Variants in GHR observed in about 807,000 individuals in gnomAD.
GHR encodes the protein growth hormone receptor.
GHR carries 35 observed loss-of-function variants against 67.1 expected under a neutral mutation model. The observed-to-expected ratio is 0.52, with a 90% CI of 0.40 to 0.69. The LOEUF is 0.69. GHR is among the 30% of genes least tolerant of loss of function. GHR has a pLI of 0.00. For synonymous variants in GHR, 272 were observed against 269.1 expected (o/e 1.01, Z -0.10); for missense variants, 792 against 764.6 (o/e 1.04, Z -0.42).
intron 4 of GHR, among the ~76,000 whole-genome samples, chr5:42,693,291 G>A (rs1757508032): frequency 6.6e-6 from 1 of 151,870 alleles, no homozygotes; most frequent in African/African-American, 2.4e-5. Flanking sequence ...ACAGAAGCAT[G>A]CCATCATGCC....
chr5:42,482,036 T>G (rs1225397187), intron 1 of GHR, among the ~76,000 whole-genome samples: 1 of 152,174 alleles, frequency 6.6e-6, no homozygotes, highest in African/African-American at 2.4e-5. Flanking sequence ...TCTTTGATGA[T>G]GGTGACGTAC....
At chr5:42,470,316 C>CAT (rs10668881) in intron 1 of GHR, among the ~76,000 whole-genome samples, 1 of 150,270 alleles carries the variant, frequency 6.7e-6, no homozygotes, top group African/African-American at 2.4e-5. Context: ...CACACACACA[C>CAT]GCACATATAT....
At chr5:42,425,914 G>A (rs1742833450) in intron 1 of GHR, among the ~76,000 whole-genome samples, 1 of 152,170 alleles carries the variant, frequency 6.6e-6, no homozygotes, top group South Asian at 2.1e-4. Context: ...GGTGTGAAAT[G>A]AAAGTCTATA....
intron 1 of GHR, among the ~76,000 whole-genome samples, chr5:42,482,293 T>TG (rs1175120837): frequency 6.6e-6 from 1 of 152,198 alleles, no homozygotes; most frequent in Non-Finnish European, 1.5e-5. Flanking sequence ...CCACCCCTGC[T>TG]GGGGGGTGCC....
intron 1 of GHR, among the ~76,000 whole-genome samples, chr5:42,529,920 G>A (rs769287334): frequency 1.3e-5 from 2 of 149,480 alleles, no homozygotes; most frequent in Non-Finnish European, 1.5e-5. Context: ...TGTAGAATTA[G>A]CACTAAAGAG....
intron 1 of GHR, among the ~76,000 whole-genome samples, chr5:42,437,402 G>A (rs929418602): frequency 6.6e-6 from 1 of 152,160 alleles, no homozygotes; most frequent in Non-Finnish European, 1.5e-5. Context: ...TGGATGTCCA[G>A]AGGACAGAGC....
At chr5:42,661,207 C>T (rs536413245) in intron 3 of GHR, among the ~76,000 whole-genome samples, 1 of 152,290 alleles carries the variant, frequency 6.6e-6, no homozygotes, top group South Asian at 2.1e-4. Flanking sequence ...AGAACTTCCC[C>T]AATCTAGCAA....
At chr5:42,644,825 T>A (rs1365922473) in intron 3 of GHR, among the ~76,000 whole-genome samples, 1 of 152,194 alleles carries the variant, frequency 6.6e-6, no homozygotes, top group Non-Finnish European at 1.5e-5. Flanking sequence ...TTTCTATTTT[T>A]ATGTTTATTT....
chr5:42,651,696 G>A (rs1033100364), intron 3 of GHR, among the ~76,000 whole-genome samples: 1 of 152,046 alleles, frequency 6.6e-6, no homozygotes, highest in African/African-American at 2.4e-5. Flanking sequence ...ATGGATGGTG[G>A]TTTTTTAATT....
chr5:42,477,789 T>C (rs1414039570), intron 1 of GHR, among the ~76,000 whole-genome samples: 1 of 152,234 alleles, frequency 6.6e-6, no homozygotes, highest in Non-Finnish European at 1.5e-5. Context: ...ATTAGCCCTT[T>C]GTCAGATGAG....
intron 1 of GHR, among the ~76,000 whole-genome samples, chr5:42,499,465 ATG>A (rs1425363536): frequency 6.6e-6 from 1 of 152,134 alleles, no homozygotes; most frequent in East Asian, 1.9e-4. Flanking sequence ...GTGAACACTC[ATG>A]TGTACAGTTT....
At chr5:42,618,743 A>G (rs1358290436) in intron 2 of GHR, among the ~76,000 whole-genome samples, 1 of 152,094 alleles carries the variant, frequency 6.6e-6, no homozygotes, top group East Asian at 1.9e-4. Context: ...TTTTTTTGAA[A>G]TATTATTTCT....
At chr5:42,468,641 T>C in intron 1 of GHR, 1 of 1,073,598 alleles carries the variant, frequency 9.3e-7, no homozygotes, top group Non-Finnish European at 1.4e-6. Context: ...CTTGCTGTCT[T>C]TCTGGGACTC....
At chr5:42,566,551 C>T (rs943904092) in intron 2 of GHR, among the ~76,000 whole-genome samples, 6 of 152,054 alleles carry the variant, frequency 3.9e-5, no homozygotes, top group Non-Finnish European at 1.5e-5. Flanking sequence ...AGAGAAGTCT[C>T]AATATGTTTA....
chr5:42,686,884 A>G (rs748339841), intron 3 of GHR, among the ~76,000 whole-genome samples: 1 of 152,218 alleles, frequency 6.6e-6, no homozygotes, highest in Non-Finnish European at 1.5e-5. Flanking sequence ...GAGGAAATTC[A>G]ATTGTCTCTG....
intron 1 of GHR, among the ~76,000 whole-genome samples, chr5:42,564,132 G>A (rs1030019510): frequency 6.7e-6 from 1 of 149,348 alleles, no homozygotes; most frequent in African/African-American, 2.5e-5. Context: ...CTCACAAAGT[G>A]TGAGATTTAT....
intron 3 of GHR, among the ~76,000 whole-genome samples, chr5:42,648,464 A>G (rs1156575598): frequency 6.6e-6 from 1 of 152,130 alleles, no homozygotes; most frequent in Non-Finnish European, 1.5e-5. Flanking sequence ...GTTTATGTAC[A>G]ACACATGTAT....
intron 3 of GHR, among the ~76,000 whole-genome samples, chr5:42,660,215 G>A (rs2112858368): frequency 6.6e-6 from 1 of 152,310 alleles, no homozygotes; most frequent in Non-Finnish European, 1.5e-5. Context: ...AGTAACCTCT[G>A]CAGACTTAAA....
At chr5:42,430,359 CA>C (rs1743038661) in intron 1 of GHR, among the ~76,000 whole-genome samples, 1 of 152,148 alleles carries the variant, frequency 6.6e-6, no homozygotes, top group Non-Finnish European at 1.5e-5. Context: ...CACACACACA[CA>C]CATACACACA....
Sources: allele counts gnomAD v4.1 joint callset (sites outside exome capture counted in the v4.1 genomes callset), GRCh38; gene constraint gnomAD v4.1.1; transcripts MANE v1.5; gene names NCBI Gene and HGNC (gene_info 2026-07-23, HGNC 2026-07-21).